GLB1: variants seen among roughly 807,000 people sequenced by gnomAD.
The protein encoded by GLB1 is galactosidase beta 1.
A neutral mutation model predicts 74.0 loss-of-function variants in GLB1; 56 were observed. The observed-to-expected ratio is 0.76, with a 90% CI of 0.61 to 0.94. The LOEUF (loss-of-function observed/expected upper bound fraction) is 0.94. Ranked by LOEUF, GLB1 falls within the 40% of genes least tolerant of loss-of-function variation. The pLI, the probability that GLB1 is intolerant of heterozygous loss-of-function variation, is 0.00. For synonymous variants in GLB1, 323 were observed against 323.6 expected, an observed-to-expected ratio of 1.00 and a Z score of 0.02; for missense variants, 787 against 845.5, an observed-to-expected ratio of 0.93 and a Z score of 0.86.
chr3:32,969,739 A>G, the GLB1 span, among the ~76,000 whole-genome samples: 1 of 152,254 alleles, frequency 6.6e-6, no homozygotes, highest in Non-Finnish European at 1.5e-5. Context: ...TCTGTAAAAG[A>G]GTTCCACCAA....
At chr3:33,090,374 T>C in intron 1 of GLB1, 2 of 984,908 alleles carry the variant, frequency 2.0e-6, no homozygotes, top group Non-Finnish European at 2.4e-6. Flanking sequence ...ACGAAAAGTT[T>C]AAAACAAACC....
chr3:33,006,107 T>G (rs1013395335), intron 15 of GLB1, among the ~76,000 whole-genome samples: 1 of 152,184 alleles, frequency 6.6e-6, no homozygotes, highest in African/African-American at 2.4e-5. Context: ...GAAAGAGAGA[T>G]AAATAGCACA....
At chr3:33,039,310 GA>G (rs1226163598) in intron 10 of GLB1, among the ~76,000 whole-genome samples, 1 of 135,362 alleles carries the variant, frequency 7.4e-6, no homozygotes, top group Non-Finnish European at 1.6e-5. Flanking sequence ...AAAAAAAAAG[GA>G]AAAAAAAGCC....
chr3:33,073,731 A>G (rs1436886147), intron 1 of GLB1, among the ~76,000 whole-genome samples: 8 of 151,966 alleles, frequency 5.3e-5, no homozygotes, highest in Non-Finnish European at 8.8e-5. Flanking sequence ...AAAGAATAGC[A>G]GGCACCGTTG....
intron 14 of GLB1, among the ~76,000 whole-genome samples, chr3:33,016,430 C>T (rs953770669): frequency 6.6e-6 from 1 of 152,172 alleles, no homozygotes; most frequent in African/African-American, 2.4e-5. Flanking sequence ...GATCATAGGT[C>T]ATTTTAATCT....
intron 10 of GLB1, among the ~76,000 whole-genome samples, chr3:33,035,569 G>C (rs979834811): frequency 6.6e-6 from 1 of 152,132 alleles, no homozygotes; most frequent in Admixed American, 6.5e-5. Flanking sequence ...TTTGAGATGG[G>C]GTTAGTGCCT....
intron 6 of GLB1, among the ~76,000 whole-genome samples, 165 bp downstream of exon 6, chr3:33,057,924 T>G (rs764718489): frequency 1.3e-5 from 2 of 152,196 alleles, no homozygotes; most frequent in Non-Finnish European, 1.5e-5. Flanking sequence ...CAGATAACCC[T>G]CTGTTACTGA....
chr3:32,983,563 T>G, the GLB1 span, among the ~76,000 whole-genome samples: 1 of 152,234 alleles, frequency 6.6e-6, no homozygotes, highest in African/African-American at 2.4e-5. Context: ...GTCTCATAAT[T>G]TCAATATCTG....
At chr3:32,973,384 T>A in the GLB1 span, among the ~76,000 whole-genome samples, 1 of 152,052 alleles carries the variant, frequency 6.6e-6, no homozygotes, top group African/African-American at 2.4e-5. Context: ...CCCAGGCTGG[T>A]GTGCAGTGGT....
chr3:33,010,796 C>T (rs956890565), intron 15 of GLB1, among the ~76,000 whole-genome samples: 3 of 152,090 alleles, frequency 2.0e-5, no homozygotes, highest in African/African-American at 7.2e-5. Context: ...TTAATAATTA[C>T]AAGATATTTT....
intron 4 of GLB1, among the ~76,000 whole-genome samples, chr3:33,066,728 A>G (rs1575469587): frequency 6.6e-6 from 1 of 152,186 alleles, no homozygotes; most frequent in East Asian, 1.9e-4. Context: ...TTTTCCGTAT[A>G]AAATGAAGTT....
chr3:32,966,228 C>T, the GLB1 span, among the ~76,000 whole-genome samples: 347 of 152,304 alleles, frequency 2.3e-3, no homozygotes, highest in Non-Finnish European at 3.7e-3. Flanking sequence ...CAGCTGGGAG[C>T]GGGCTATACC....
intron 15 of GLB1, among the ~76,000 whole-genome samples, chr3:33,008,275 A>G (rs1490806011): frequency 6.6e-6 from 1 of 152,200 alleles, no homozygotes; most frequent in Non-Finnish European, 1.5e-5. Flanking sequence ...TAGAGCTCCT[A>G]GTTACCACTT....
In GLB1 at chr3:33,018,093, G is replaced by A. The variant is rs536044868; in HGVS notation, c.1347+355C>T. Among the ~76,000 whole-genome samples the A allele has an allele frequency of 1.3e-4, 19 of 151,980 alleles. No individual in the cohort carries two copies. The East Asian group carries it at 2.7e-3, about 22-fold the overall frequency. Reference sequence around the variant, plus strand: ...GAGCTCCGGAGTTCAAGACCAGCCTGGGCAACATAGTGGGACCCTGTCTCT... The same window carrying A: ...GAGCTCCGGAGTTCAAGACCAGCCTAGGCAACATAGTGGGACCCTGTCTCT... On this transcript the variant is annotated intron_variant, in intron 13 of 15. Coordinates refer to ENST00000307363, the MANE Select transcript of GLB1 (RefSeq NM_000404.4).
At chr3:33,033,911 T>C (rs4383462) in intron 10 of GLB1, 526,740 of 540,696 alleles carry the variant, frequency 0.97, 257,883 homozygotes, top group East Asian at 1. Context: ...GGATATGATT[T>C]ATGATGCCCA....
At chr3:32,964,664 C>G in the GLB1 span, among the ~76,000 whole-genome samples, 1 of 152,142 alleles carries the variant, frequency 6.6e-6, no homozygotes, top group Non-Finnish European at 1.5e-5. Context: ...GAACATGTAC[C>G]TATTTTATGA....
At chr3:33,040,978 T>C (rs1023033273) in intron 10 of GLB1, among the ~76,000 whole-genome samples, 40 of 152,072 alleles carry the variant, frequency 2.6e-4, no homozygotes, top group African/African-American at 8.2e-4. Context: ...AAAGCAACAA[T>C]TGAAGAACAT....
chr3:33,024,037 C>G (rs1697624932), intron 11 of GLB1, among the ~76,000 whole-genome samples: 1 of 152,240 alleles, frequency 6.6e-6, no homozygotes. Flanking sequence ...CATGTCTCAT[C>G]TGCTCATCCT....
intron 10 of GLB1, chr3:33,045,428 C>T (rs1698702099): frequency 2.0e-6 from 2 of 985,090 alleles, no homozygotes; most frequent in Non-Finnish European, 2.4e-6. Context: ...AAATAGTGTC[C>T]AGGTTCAAAA....
Sources: allele counts gnomAD v4.1 joint callset (sites outside exome capture counted in the v4.1 genomes callset), GRCh38; gene constraint gnomAD v4.1.1; transcripts MANE v1.5; gene names NCBI Gene and HGNC (gene_info 2026-07-23, HGNC 2026-07-21).